Variants in DGKH observed in about 807,000 individuals in gnomAD.
DGKH encodes the protein DAG kinase eta.
Under a neutral mutation model 159.3 loss-of-function variants are expected in DGKH, and 90 were observed. That is an observed-to-expected ratio of 0.57 (90% CI 0.48 to 0.67). The LOEUF is 0.67. DGKH is among the 30% of genes least tolerant of loss of function. DGKH has a pLI of 0.00. For synonymous variants in DGKH, 536 were observed against 553.8 expected (o/e 0.97, Z 0.45); for missense variants, 1,181 against 1,506.1 (o/e 0.78, Z 3.57).
At chr13:42,109,671 C>CGTGT (rs765879320) in intron 1 of DGKH, among the ~76,000 whole-genome samples, 3 of 132,200 alleles carry the variant, frequency 2.3e-5, no homozygotes, top group Non-Finnish European at 4.9e-5. Flanking sequence ...CGTGTGTGTG[C>CGTGT]GTGTGTGTGT....
intron 1 of DGKH, 128 bp from the exon 2 acceptor site, chr13:42,127,335 T>G: frequency 1.4e-6 from 1 of 705,544 alleles, no homozygotes; most frequent in Non-Finnish European, 2.4e-6. Context: ...AGTAAAATAT[T>G]CTCCTGTAAT....
At chr13:42,243,962 T>C (rs1490585534), downstream of DGKH, among the ~76,000 whole-genome samples, 1 of 152,086 alleles carries the variant, frequency 6.6e-6, no homozygotes, top group African/African-American at 2.4e-5. Context: ...ACTTCCTTAG[T>C]GCAGTTTTAG....
intron 1 of DGKH, among the ~76,000 whole-genome samples, chr13:42,091,886 C>T (rs1270296146): frequency 2.6e-5 from 4 of 152,152 alleles, no homozygotes; most frequent in Admixed American, 6.5e-5. Flanking sequence ...TCATTTTACA[C>T]CTGTTAGAAT....
Position 42,233,246 on chromosome 13 carries a change from A to AT in DGKH, c.*4060dup, listed in dbSNP as rs1160334560. ...GTAGAAAATTTCCATCACTGCAAAA[A>AT]TTCTATTGGACAGCACTGGTGCAGA... On this transcript the variant is annotated 3_prime_UTR_variant, in exon 30 of 30. Coordinates refer to ENST00000337343, the MANE Select transcript of DGKH (RefSeq NM_178009.5). The AT allele has an allele frequency of 6.6e-6, 1 of 152,206 alleles. No individual in the cohort carries two copies. Among genetic ancestry groups the AT allele is most frequent in the Non-Finnish European group, 1.5e-5 (1 of 68,056 alleles). 9.4% of individuals were successfully genotyped at this position (152,206 alleles called of 1,614,324 possible).
chr13:42,109,646 GCGTGCC>G (rs1473570780), intron 1 of DGKH, among the ~76,000 whole-genome samples: 2 of 40,894 alleles, frequency 4.9e-5, no homozygotes, highest in Non-Finnish European at 1.1e-4. Flanking sequence ...AGCTGTGCGT[GCGTGCC>G]TGTGCGTGCG....
chr13:42,183,326 C>T (rs551026037), intron 13 of DGKH, among the ~76,000 whole-genome samples: 10 of 152,060 alleles, frequency 6.6e-5, no homozygotes, highest in Non-Finnish European at 1.5e-4. Context: ...TAATGGTTTC[C>T]CTTTAAAAAA....
At chr13:42,117,020 T>G (rs559970268) in intron 1 of DGKH, among the ~76,000 whole-genome samples, 2 of 152,208 alleles carry the variant, frequency 1.3e-5, no homozygotes, top group Non-Finnish European at 2.9e-5. Flanking sequence ...TGATTTTCCA[T>G]GAGGGTCAGG....
chr13:42,098,913 G>A (rs1225822793), intron 1 of DGKH, among the ~76,000 whole-genome samples: 1 of 152,216 alleles, frequency 6.6e-6, no homozygotes, highest in Non-Finnish European at 1.5e-5. Context: ...TGCATAAGGA[G>A]TTACCAAAGA....
intron 5 of DGKH, 44 bp downstream of exon 5, chr13:42,155,843 A>C: frequency 6.2e-7 from 1 of 1,606,622 alleles, no homozygotes; most frequent in South Asian, 1.1e-5. Context: ...CAGTAACCAT[A>C]CTGTAGACAT....
intron 12 of DGKH, 64 bp downstream of exon 12, chr13:42,174,208 A>C: frequency 1.5e-6 from 2 of 1,325,182 alleles, no homozygotes; most frequent in Non-Finnish European, 2.1e-6. Context: ...AAAAAAAAGA[A>C]AGAGAGAGAA....
At chr13:42,042,620 A>G (rs935926770) in intron 1 of DGKH, among the ~76,000 whole-genome samples, 2 of 152,216 alleles carry the variant, frequency 1.3e-5, no homozygotes, top group African/African-American at 2.4e-5. Context: ...CGCACCTATT[A>G]TGTTCCGGGA....
intron 5 of DGKH, among the ~76,000 whole-genome samples, chr13:42,157,885 G>A (rs1342235263): frequency 1.3e-5 from 2 of 152,092 alleles, no homozygotes; most frequent in Non-Finnish European, 2.9e-5. Flanking sequence ...TAAGAATCCC[G>A]AGTAGCTGGG....
intron 1 of DGKH, among the ~76,000 whole-genome samples, chr13:42,107,690 G>A (rs1348887554): frequency 1.3e-5 from 2 of 152,112 alleles, no homozygotes; most frequent in Non-Finnish European, 2.9e-5. Context: ...GCCTGCCCGG[G>A]TAAGGCAGCC....
chr13:42,165,373 C>T lies in DGKH; in HGVS notation c.898C>T (p.Leu300Phe). Residue 300 changes from leucine to phenylalanine, a missense_variant, in exon 8 of 30, where the codon CTT becomes TTT. Coordinates refer to ENST00000337343, the MANE Select transcript of DGKH (RefSeq NM_178009.5). Reference protein sequence around the residue: ...CKDLYHPICPLGQCKVSIIPP... With the variant: ...CKDLYHPICPFGQCKVSIIPP... ...AGATTTATACCATCCAATATGTCCA[C>T]TTGGTCAATGTAAAGTATCTATCAT... 1 of 1,593,982 alleles carries T rather than the reference C, an allele frequency of 6.3e-7. No homozygotes were observed. Among genetic ancestry groups the T allele is most frequent in the Non-Finnish European group, 8.5e-7 (1 of 1,171,776 alleles).
chr13:42,242,193 C>T lies in DGKH; in HGVS notation c.*13005C>T, dbSNP rs1183816103. On this transcript the variant is annotated 3_prime_UTR_variant, in exon 30 of 30. Coordinates refer to ENST00000337343, the MANE Select transcript of DGKH (RefSeq NM_178009.5). ...GATAAAGATAACCAGAAATCATTTGCCTCTTGTTTATTATCATGTTGAAAA... is the reference window on the plus strand; with the variant it reads ...GATAAAGATAACCAGAAATCATTTGTCTCTTGTTTATTATCATGTTGAAAA... 6.6e-6 allele frequency: 1 copy of T among 152,194 alleles called. No individual in the cohort carries two copies. Among genetic ancestry groups the T allele is most frequent in the African/African-American group, 2.4e-5 (1 of 41,458 alleles). The allele number at this position is 152,194 out of a possible 1,614,324, so 9.4% of individuals were successfully genotyped here.
chr13:42,159,244 C>CTATTTTTTTTTTTT, intron 5 of DGKH, 22 bp from the exon 6 acceptor site: 1 of 213,284 alleles, frequency 4.7e-6, no homozygotes, highest in Non-Finnish European at 8.1e-6. Context: ...AGCAGTTGCT[C>CTATTTTTTTTTTTT]TTTTTTTTTT....
chr13:42,053,766 A>G (rs898714406), intron 1 of DGKH, among the ~76,000 whole-genome samples: 6 of 151,946 alleles, frequency 3.9e-5, no homozygotes, highest in Admixed American at 3.3e-4. Context: ...CTACAGGCGC[A>G]TGCCACCATG....
chr13:42,229,091 T>C lies in DGKH; in HGVS notation c.3574-8T>C, dbSNP rs753911785. The C allele has an allele frequency of 6.2e-7, 1 of 1,601,848 alleles. No homozygotes were observed. The highest frequency in any genetic ancestry group is 1.1e-5 in the South Asian group (1 of 87,290). On this transcript the variant is annotated splice_region_variant and splice_polypyrimidine_tract_variant and intron_variant, in intron 29 of 29. Transcript: ENST00000337343. ...TTATTTCTACCTTTTTCTGTTCTTT[T>C]ATTTTAGGATCTGGGGATACCGAAA...
chr13:42,087,044 AACACACACACACACACACAC>A (rs71298957), intron 1 of DGKH, among the ~76,000 whole-genome samples: 2 of 140,086 alleles, frequency 1.4e-5, no homozygotes, highest in Non-Finnish European at 3.0e-5. Flanking sequence ...CCAGAAGGAA[AACACACACACACACACACAC>A]ACACACACAC....
Sources: allele counts gnomAD v4.1 joint callset (sites outside exome capture counted in the v4.1 genomes callset), GRCh38; gene constraint gnomAD v4.1.1; transcripts MANE v1.5; gene names NCBI Gene and HGNC (gene_info 2026-07-23, HGNC 2026-07-21).